Variants in EYS observed in about 807,000 individuals in gnomAD.
EYS encodes protein eyes shut homolog.
EYS carries 250 observed loss-of-function variants against 282.1 expected under a neutral mutation model. That is an observed-to-expected ratio of 0.89 (90% CI 0.80 to 0.98). The LOEUF (loss-of-function observed/expected upper bound fraction) is 0.98. EYS is among the 50% of genes least tolerant of loss of function. The pLI, the probability that EYS is intolerant of heterozygous loss-of-function variation, is 0.00. For synonymous variants in EYS, 1,355 were observed against 1,282.9 expected, an observed-to-expected ratio of 1.06 and a Z score of -1.20; for missense variants, 4,016 against 3,709.0, an observed-to-expected ratio of 1.08 and a Z score of -2.15.
At chr6:65,681,214 T>A (rs1212388903) in intron 1 of EYS, among the ~76,000 whole-genome samples, 1 of 151,720 alleles carries the variant, frequency 6.6e-6, no homozygotes, top group Non-Finnish European at 1.5e-5. Context: ...CCACCAGTGA[T>A]CATTTTAACC....
chr6:64,675,423 T>C (rs1203808339), intron 22 of EYS, among the ~76,000 whole-genome samples: 4 of 91,584 alleles, frequency 4.4e-5, no homozygotes, highest in African/African-American at 1.3e-4. Context: ...TTTCTCTTTT[T>C]TTTTCTTTTT....
chr6:65,200,613 A>C (rs1468505164), intron 12 of EYS, among the ~76,000 whole-genome samples: 1 of 151,620 alleles, frequency 6.6e-6, no homozygotes, highest in Non-Finnish European at 1.5e-5. Context: ...ATTGACACGA[A>C]GTACAGTTAT....
chr6:64,104,668 C>T (rs1185540693), intron 31 of EYS, among the ~76,000 whole-genome samples: 2 of 151,012 alleles, frequency 1.3e-5, no homozygotes, highest in East Asian at 3.9e-4. Flanking sequence ...CTTTTTACTC[C>T]TTCAAAAGAT....
At chr6:65,227,872 A>G (rs1314666218) in intron 12 of EYS, among the ~76,000 whole-genome samples, 2 of 152,152 alleles carry the variant, frequency 1.3e-5, no homozygotes, top group Admixed American at 1.3e-4. Context: ...ATTGAAATTC[A>G]TAGAGACAGA....
chr6:64,765,236 G>C (rs1773285433), intron 22 of EYS, among the ~76,000 whole-genome samples: 1 of 152,164 alleles, frequency 6.6e-6, no homozygotes, highest in South Asian at 2.1e-4. Flanking sequence ...CAGTCTCTTT[G>C]CTAAAGCATA....
chr6:64,737,124 C>T (rs1301119061), intron 22 of EYS, among the ~76,000 whole-genome samples: 1 of 152,156 alleles, frequency 6.6e-6, no homozygotes, highest in African/African-American at 2.4e-5. Context: ...TTACTACCTG[C>T]ATGAAGACCA....
rs938725513 is a variant in EYS at position 63,800,277 on chromosome 6, A to G, written c.7411+5913T>C. Among the ~76,000 whole-genome samples, 4 of 152,350 alleles carry G rather than the reference A, an allele frequency of 2.6e-5. No individual in the cohort carries two copies. In the East Asian group the frequency reaches 7.7e-4, roughly 29 times the overall value. On this transcript the variant is annotated intron_variant, in intron 37 of 42. Transcript: ENST00000503581. ...TCCTGGTTTAGTGTTGTTAATTAACAAAACTTTAAGTACCTGTGTTTTGCT... is the reference window on the plus strand; with the variant it reads ...TCCTGGTTTAGTGTTGTTAATTAACGAAACTTTAAGTACCTGTGTTTTGCT...
intron 28 of EYS, among the ~76,000 whole-genome samples, chr6:64,399,068 G>A (rs1773467951): frequency 6.6e-6 from 1 of 151,714 alleles, no homozygotes; most frequent in Admixed American, 6.6e-5. Flanking sequence ...GAAAAAGTTT[G>A]TACTGTTTTA....
chr6:65,672,025 C>A lies in EYS; in HGVS notation c.-447-32133G>T, dbSNP rs776476126. On this transcript the variant is annotated intron_variant, in intron 1 of 42. Coordinates refer to ENST00000503581, the MANE Select transcript of EYS (RefSeq NM_001142800.2). ...CCCCAGCTCAGCATAACAGTTTCACCTGACTTGGCATACTGACAGGAATTT... is the reference window on the plus strand; with the variant it reads ...CCCCAGCTCAGCATAACAGTTTCACATGACTTGGCATACTGACAGGAATTT... Among the ~76,000 whole-genome samples, 14 of 152,208 alleles carry A rather than the reference C, an allele frequency of 9.2e-5. No individual in the cohort carries two copies. The South Asian group carries it at 2.9e-3, about 32-fold the overall frequency.
chr6:64,354,790 A>C (rs1771768106), intron 29 of EYS, among the ~76,000 whole-genome samples: 1 of 151,552 alleles, frequency 6.6e-6, no homozygotes, highest in African/African-American at 2.4e-5. Context: ...AATGATACAA[A>C]TAATACCATA....
chr6:65,258,569 C>A (rs1767534558), intron 12 of EYS, among the ~76,000 whole-genome samples: 3 of 151,974 alleles, frequency 2.0e-5, no homozygotes, highest in African/African-American at 7.2e-5. Flanking sequence ...TGTAATCCAA[C>A]CAACAAATAA....
intron 14 of EYS, among the ~76,000 whole-genome samples, chr6:64,994,263 A>C (rs1771173929): frequency 6.6e-6 from 1 of 152,132 alleles, no homozygotes; most frequent in Non-Finnish European, 1.5e-5. Context: ...GGAAAAGAAG[A>C]AAACTGGCTC....
rs372107096 is a variant in EYS, at chr6:65,463,859, T to A, written c.862+26735A>T. Among the ~76,000 whole-genome samples the A allele has an allele frequency of 1.3e-4, 20 of 152,252 alleles. No homozygotes were observed. In the South Asian group the frequency reaches 3.9e-3, roughly 30 times the overall value. ...GTTATTTGTATTCTATTGCTCAAGG[T>A]CATCACCAAGGTCTGACTGCAAAAA... On this transcript the variant is annotated intron_variant, in intron 5 of 42. Coordinates refer to ENST00000503581, the MANE Select transcript of EYS (RefSeq NM_001142800.2).
chr6:65,225,637 C>A (rs1384350873), intron 12 of EYS, among the ~76,000 whole-genome samples: 2 of 151,128 alleles, frequency 1.3e-5, no homozygotes, highest in African/African-American at 4.9e-5. Flanking sequence ...TTGCTTGAAC[C>A]TGGGAGGTGG....
intron 2 of EYS, among the ~76,000 whole-genome samples, chr6:65,526,492 A>C (rs1273202041): frequency 6.6e-6 from 1 of 152,168 alleles, no homozygotes; most frequent in Non-Finnish European, 1.5e-5. Flanking sequence ...ACATTTGGAA[A>C]CACTGCTCCA....
intron 19 of EYS, among the ~76,000 whole-genome samples, chr6:64,839,438 T>C (rs1160275783): frequency 6.6e-6 from 1 of 152,088 alleles, no homozygotes; most frequent in Admixed American, 6.6e-5. Context: ...TGTTCCTTTA[T>C]AGTACAAATT....
At chr6:64,009,395 T>G (rs545292949) in intron 33 of EYS, among the ~76,000 whole-genome samples, 45 of 151,962 alleles carry the variant, frequency 3.0e-4, no homozygotes, top group African/African-American at 1.0e-3. Flanking sequence ...GCCATTCTCC[T>G]GCCTCAGCCT....
At chr6:65,529,304 C>T (rs1767679514) in intron 2 of EYS, among the ~76,000 whole-genome samples, 1 of 152,146 alleles carries the variant, frequency 6.6e-6, no homozygotes, top group Non-Finnish European at 1.5e-5. Context: ...TAAGTAACCA[C>T]TCTGTTGAGG....
At chr6:63,878,800 T>C (rs1428822139) in intron 35 of EYS, among the ~76,000 whole-genome samples, 1 of 152,206 alleles carries the variant, frequency 6.6e-6, no homozygotes, top group Non-Finnish European at 1.5e-5. Context: ...AATCTCCTGG[T>C]GTGCCATTTG....
Sources: allele counts gnomAD v4.1 joint callset (sites outside exome capture counted in the v4.1 genomes callset), GRCh38; gene constraint gnomAD v4.1.1; transcripts MANE v1.5; gene names NCBI Gene and HGNC (gene_info 2026-07-23, HGNC 2026-07-21).